LARGE1: variants seen among roughly 807,000 people sequenced by gnomAD.
LARGE1 encodes the protein xylosyl- and glucuronyltransferase LARGE1.
Under a neutral mutation model 87.6 loss-of-function variants are expected in LARGE1, and 43 were observed. The observed-to-expected ratio is 0.49, with a 90% CI of 0.38 to 0.63. LARGE1 has a LOEUF of 0.63. LARGE1 is among the 30% of genes least tolerant of loss of function. The probability of loss-of-function intolerance (pLI) is 0.00; values close to 1 mark genes in which losing one functional copy is unlikely to be tolerated. For synonymous variants in LARGE1, 434 were observed against 394.6 expected (o/e 1.10, Z -1.18); for missense variants, 802 against 1,000.2 (o/e 0.80, Z 2.67).
At chr22:33,679,658 A>G (rs1346033643) in intron 2 of LARGE1, among the ~76,000 whole-genome samples, 1 of 152,184 alleles carries the variant, frequency 6.6e-6, no homozygotes. Flanking sequence ...CCTGGCCAAC[A>G]TGATGAAACC....
intron 1 of LARGE1, among the ~76,000 whole-genome samples, chr22:33,863,788 G>C (rs2064005910): frequency 6.6e-6 from 1 of 151,976 alleles, no homozygotes; most frequent in Non-Finnish European, 1.5e-5. Flanking sequence ...AAAATGAAAG[G>C]AGATAGGAGT....
chr22:33,239,524 T>C lies in LARGE1; in HGVS notation c.1730+64705A>G, dbSNP rs181457662. 4.8e-3 allele frequency among the ~76,000 whole-genome samples: 708 copies of C among 146,686 alleles called. 11 individuals carry two copies. The highest frequency in any genetic ancestry group is 0.016 in the African/African-American group (649 of 39,402). ...ATCTTTTGTACGCCTTACTATTTCT[T>C]TTTTTCTTTTCTTTTTTTTTTTTTT... On this transcript the variant is annotated intron_variant, in intron 11 of 11. Coordinates refer to the LARGE1 transcript ENST00000608642.
At chr22:33,456,973 C>A (rs550376977) in intron 6 of LARGE1, among the ~76,000 whole-genome samples, 1 of 152,242 alleles carries the variant, frequency 6.6e-6, no homozygotes, top group East Asian at 1.9e-4. Flanking sequence ...GTGGAAACTT[C>A]GCAGAGAAGG....
chr22:33,530,863 T>C (rs2072163097), intron 6 of LARGE1, among the ~76,000 whole-genome samples: 1 of 152,232 alleles, frequency 6.6e-6, no homozygotes, highest in African/African-American at 2.4e-5. Flanking sequence ...AGTCATTTTC[T>C]TTGCTACTAA....
intron 2 of LARGE1, among the ~76,000 whole-genome samples, chr22:33,684,166 T>C (rs776641866): frequency 2.0e-5 from 3 of 152,182 alleles, no homozygotes; most frequent in Non-Finnish European, 2.9e-5. Flanking sequence ...TTGCACGTTG[T>C]ACACCCGGTG....
At chr22:33,759,150 C>A (rs532829080) in intron 2 of LARGE1, among the ~76,000 whole-genome samples, 23 of 152,124 alleles carry the variant, frequency 1.5e-4, no homozygotes, top group Non-Finnish European at 2.5e-4. Flanking sequence ...AGCTACAAGC[C>A]CCTGGATCCA....
intron 10 of LARGE1, 95 bp downstream of exon 10, chr22:33,337,551 G>A: frequency 6.8e-7 from 1 of 1,465,358 alleles, no homozygotes; most frequent in Non-Finnish European, 9.4e-7. Context: ...CCTAGGTCCT[G>A]CCATGAGCCT....
chr22:33,599,309 G>A (rs934817828), intron 5 of LARGE1, among the ~76,000 whole-genome samples: 1 of 152,042 alleles, frequency 6.6e-6, no homozygotes, highest in African/African-American at 2.4e-5. Context: ...CAACCCCCAG[G>A]GTCATCATGA....
In LARGE1 at chr22:33,807,002, C is replaced by G. The variant is rs556451822; in HGVS notation, c.-82-45444G>C. Among the ~76,000 whole-genome samples the G allele has an allele frequency of 2.4e-3, 316 of 132,154 alleles. 2 individuals are homozygous for G. The highest frequency in any genetic ancestry group is 8.9e-3 in the African/African-American group (306 of 34,566). The allele number at this position is 132,154 out of a possible 152,430, so 86.7% of individuals were successfully genotyped here. A position where few individuals can be genotyped will look rare whatever the true frequency, so the allele number is the denominator to read the frequency against. On this transcript the variant is annotated intron_variant, in intron 1 of 14. Coordinates refer to ENST00000397394, the MANE Select transcript of LARGE1 (RefSeq NM_133642.5). ...TCCAGCCGGGCGACACAGTGAGACT[C>G]CGTCTCAAAAAAAAAAATCCTCTTC...
At chr22:33,462,888 C>T (rs1013829439) in intron 6 of LARGE1, among the ~76,000 whole-genome samples, 1 of 152,124 alleles carries the variant, frequency 6.6e-6, no homozygotes, top group African/African-American at 2.4e-5. Context: ...AAATAACAAG[C>T]ATGTAACTCA....
In LARGE1 at chr22:33,272,903, G is replaced by C. The variant is rs1209177547; in HGVS notation, c.*1524C>G. The C allele has an allele frequency of 6.6e-6, 1 of 152,628 alleles. No homozygotes were observed. The highest frequency in any genetic ancestry group is 1.5e-5 in the Non-Finnish European group (1 of 68,100). The allele number at this position is 152,628 out of a possible 1,614,324, so 9.5% of individuals were successfully genotyped here. A position where few individuals can be genotyped will look rare whatever the true frequency, so the allele number is the denominator to read the frequency against. ...GAAAACTTGAAGATGGTTTGAGTTA[G>C]AGACAGAGTGGGATCTAACTTCAGG... On this transcript the variant is annotated 3_prime_UTR_variant, in exon 15 of 15. Coordinates refer to ENST00000397394, the MANE Select transcript of LARGE1 (RefSeq NM_133642.5).
intron 5 of LARGE1, among the ~76,000 whole-genome samples, chr22:33,596,583 A>C (rs576444984): frequency 3.0e-4 from 45 of 152,372 alleles, no homozygotes; most frequent in African/African-American, 1.0e-3. Context: ...AAAGGAAAGA[A>C]GGAAGAAGAG....
intron 2 of LARGE1, among the ~76,000 whole-genome samples, chr22:33,694,953 T>C (rs905011983): frequency 2.6e-5 from 4 of 152,188 alleles, no homozygotes; most frequent in African/African-American, 9.7e-5. Flanking sequence ...TGAGCATCTT[T>C]AGTGAATACT....
chr22:33,581,811 CAA>C (rs130418), intron 5 of LARGE1, among the ~76,000 whole-genome samples: 87 of 77,412 alleles, frequency 1.1e-3, no homozygotes, highest in South Asian at 2.0e-3. Context: ...AACTCCGTCT[CAA>C]AAAAAAAAAA....
At chr22:33,096,227 C>T in the LARGE1 span, among the ~76,000 whole-genome samples, 1 of 152,088 alleles carries the variant, frequency 6.6e-6, no homozygotes, top group East Asian at 1.9e-4. Context: ...ACCAGCCTGG[C>T]CAACATGGTA....
the LARGE1 span, among the ~76,000 whole-genome samples, chr22:33,111,241 AC>A: frequency 6.6e-6 from 1 of 151,764 alleles, no homozygotes; most frequent in Non-Finnish European, 1.5e-5. Context: ...CATTTCTGGA[AC>A]CTTGGTTTCT....
chr22:33,549,739 C>G (rs2077468924), intron 6 of LARGE1, among the ~76,000 whole-genome samples: 1 of 152,140 alleles, frequency 6.6e-6, no homozygotes, highest in Non-Finnish European at 1.5e-5. Context: ...GGATCGTGGA[C>G]TATGAGTTAT....
chr22:33,658,535 G>A (rs1354862287), intron 2 of LARGE1, among the ~76,000 whole-genome samples: 1 of 152,150 alleles, frequency 6.6e-6, no homozygotes, highest in Non-Finnish European at 1.5e-5. Context: ...GAGAACATGC[G>A]ATTTTTGGTT....
intron 6 of LARGE1, among the ~76,000 whole-genome samples, chr22:33,533,868 T>A (rs1300888209): frequency 6.6e-6 from 1 of 152,200 alleles, no homozygotes; most frequent in Middle Eastern, 3.4e-3. Context: ...TGTTTCATCT[T>A]TCTTAGGACA....
Sources: allele counts gnomAD v4.1 joint callset (sites outside exome capture counted in the v4.1 genomes callset), GRCh38; gene constraint gnomAD v4.1.1; transcripts MANE v1.5; gene names NCBI Gene and HGNC (gene_info 2026-07-23, HGNC 2026-07-21).